SPIDR: variants seen among roughly 807,000 people sequenced by gnomAD.
The protein encoded by SPIDR is DNA repair-scaffolding protein.
SPIDR carries 93 observed loss-of-function variants against 104.6 expected under a neutral mutation model. That is an observed-to-expected ratio of 0.89 (90% CI 0.75 to 1.06). The LOEUF is 1.06. Among genes scored for constraint, SPIDR ranks in the 50% least tolerant of loss-of-function variants. The pLI is 0.00. For synonymous variants in SPIDR, 431 were observed against 416.9 expected, an observed-to-expected ratio of 1.03 and a Z score of -0.41; for missense variants, 1,154 against 1,111.2, an observed-to-expected ratio of 1.04 and a Z score of -0.55.
intron 19 of SPIDR, among the ~76,000 whole-genome samples, 194 bp from the exon 20 acceptor site, chr8:47,735,113 T>TGTGTGTGTGTGTGG (rs1202392223): frequency 2.4e-5 from 3 of 125,472 alleles, no homozygotes; most frequent in African/African-American, 1.0e-4. Flanking sequence ...TGTGTGTGGG[T>TGTGTGTGTGTGTGG]GTGTGTGTGT....
At chr8:47,627,551 GTGTA>G (rs1004356463) in intron 10 of SPIDR, among the ~76,000 whole-genome samples, 5 of 152,210 alleles carry the variant, frequency 3.3e-5, no homozygotes, top group African/African-American at 9.7e-5. Flanking sequence ...CCCTAAGTGT[GTGTA>G]TGTGTTTAAG....
In SPIDR at chr8:47,735,774, TAAC is replaced by T. The variant is rs2086188158; in HGVS notation, c.*327_*329del. ...AATTTTTTTTGTTCATTTGTAATTT[TAAC>T]AAGTTGAACATTTTACCATGATTGA... On this transcript the variant is annotated 3_prime_UTR_variant, in exon 20 of 20. Transcript: ENST00000297423. 1 of 515,458 alleles carries T rather than the reference TAAC, an allele frequency of 1.9e-6. No individual in the cohort carries two copies. Among genetic ancestry groups the T allele is most frequent in the Non-Finnish European group, 3.4e-6 (1 of 292,488 alleles). The allele number at this position is 515,458 out of a possible 1,614,324, so 31.9% of individuals were successfully genotyped here. A position where few individuals can be genotyped will look rare whatever the true frequency, so the allele number is the denominator to read the frequency against.
chr8:47,728,814 G>A, intron 17 of SPIDR, 119 bp from the exon 18 acceptor site: 1 of 1,222,350 alleles, frequency 8.2e-7, no homozygotes, highest in Non-Finnish European at 1.1e-6. Context: ...TTGATTCTGA[G>A]AGTAAAGCCC....
chr8:47,647,651 A>AGAGAGAGAGAGAGAGAGAGAGAGG (rs1563416092), intron 10 of SPIDR, among the ~76,000 whole-genome samples: 2 of 121,976 alleles, frequency 1.6e-5, no homozygotes, highest in Non-Finnish European at 3.7e-5. Context: ...AGAGAGAGAG[A>AGAGAGAGAGAGAGAGAGAGAGAGG]GAGGGAGAGA....
intron 5 of SPIDR, among the ~76,000 whole-genome samples, chr8:47,354,002 T>A (rs2054045727): frequency 6.6e-6 from 1 of 152,198 alleles, no homozygotes; most frequent in African/African-American, 2.4e-5. Flanking sequence ...CAGACAACGC[T>A]TTGATACTAG....
At chr8:47,454,933 A>G (rs148475972) in intron 8 of SPIDR, among the ~76,000 whole-genome samples, 2,211 of 152,252 alleles carry the variant, frequency 0.015, 167 homozygotes, top group Admixed American at 0.12. Context: ...ACACATTTCC[A>G]AATATTATAA....
At chr8:47,377,514 A>G (rs923358840) in intron 5 of SPIDR, among the ~76,000 whole-genome samples, 2 of 152,232 alleles carry the variant, frequency 1.3e-5, no homozygotes, top group Non-Finnish European at 2.9e-5. Flanking sequence ...TAGTTCCTCT[A>G]GCAATGAATT....
intron 16 of SPIDR, among the ~76,000 whole-genome samples, chr8:47,719,234 C>T (rs1417359246): frequency 5.3e-5 from 8 of 152,008 alleles, no homozygotes; most frequent in Non-Finnish European, 2.9e-5. Flanking sequence ...CCAGGCTGGG[C>T]GTGGTGGTTC....
At chr8:47,361,341 C>T (rs1554629856) in intron 5 of SPIDR, among the ~76,000 whole-genome samples, 1 of 152,198 alleles carries the variant, frequency 6.6e-6, no homozygotes, top group African/African-American at 2.4e-5. Context: ...ACAGGATGAG[C>T]ACTCAGTGCT....
chr8:47,711,239 G>A (rs577601080), intron 14 of SPIDR, among the ~76,000 whole-genome samples: 2 of 152,240 alleles, frequency 1.3e-5, no homozygotes, highest in East Asian at 1.9e-4. Context: ...AGTAAGATGC[G>A]TCAAACTCAT....
At chr8:47,317,644 C>T (rs2045639987) in intron 5 of SPIDR, among the ~76,000 whole-genome samples, 1 of 152,160 alleles carries the variant, frequency 6.6e-6, no homozygotes, top group Non-Finnish European at 1.5e-5. Flanking sequence ...GAAAGACTGC[C>T]TCCTCAAGTG....
intron 8 of SPIDR, among the ~76,000 whole-genome samples, chr8:47,489,381 T>A (rs2078272785): frequency 6.6e-6 from 1 of 152,130 alleles, no homozygotes; most frequent in African/African-American, 2.4e-5. Context: ...GAACATTCCA[T>A]CCTCGTGGAT....
Position 47,713,492 on chromosome 8 carries a change from G to A in SPIDR, c.2192G>A (p.Arg731Gln), listed in dbSNP as rs377479209. Residue 731 changes from arginine to glutamine, a missense_variant, in exon 16 of 20, where the codon CGG becomes CAG. Transcript: ENST00000297423. ...FFKDALRDQG[R>Q]IVCAERTVLL... ...CCTGAAGTGTCTCTGTCGGCAGGTC[G>A]GATTGTTTGTGCTGAACGAACTGTC... 54 of 1,614,102 alleles carry A rather than the reference G, an allele frequency of 3.3e-5. No individual in the cohort carries two copies. Among genetic ancestry groups the A allele is most frequent in the African/African-American group, 3.2e-4 (24 of 75,022 alleles).
At chr8:47,326,810 G>A (rs782756719) in intron 5 of SPIDR, among the ~76,000 whole-genome samples, 1 of 152,188 alleles carries the variant, frequency 6.6e-6, no homozygotes. Context: ...GCTGGATAAT[G>A]TTCCATTGAA....
intron 8 of SPIDR, among the ~76,000 whole-genome samples, chr8:47,446,253 A>C (rs1047194103): frequency 2.0e-5 from 3 of 152,220 alleles, no homozygotes; most frequent in African/African-American, 7.2e-5. Context: ...CATTTTGAAA[A>C]TTCTAGGGTC....
chr8:47,691,616 GTTGTGGAAACCCAAGGAAGTATTT>G (rs1027393025), intron 11 of SPIDR, among the ~76,000 whole-genome samples: 1 of 152,180 alleles, frequency 6.6e-6, no homozygotes, highest in African/African-American at 2.4e-5. Flanking sequence ...GTTTTATATA[GTTGTGGAAACCCAAGGAAGTATTT>G]TTCTTTGTAT....
At chr8:47,331,989 C>CTTTTTTTTTTTT (rs1289524835) in intron 5 of SPIDR, among the ~76,000 whole-genome samples, 3 of 36,320 alleles carry the variant, frequency 8.3e-5, no homozygotes, top group Non-Finnish European at 1.1e-4. Flanking sequence ...TTTTTTTTCT[C>CTTTTTTTTTTTT]TTTTTTTTTT....
intron 8 of SPIDR, among the ~76,000 whole-genome samples, chr8:47,496,702 G>T: frequency 6.8e-6 from 1 of 146,238 alleles, no homozygotes; most frequent in Non-Finnish European, 1.5e-5. Flanking sequence ...TGACCTCATA[G>T]AATGAATTCC....
intron 8 of SPIDR, among the ~76,000 whole-genome samples, chr8:47,538,946 C>T (rs530077829): frequency 2.7e-5 from 4 of 150,128 alleles, no homozygotes; most frequent in Non-Finnish European, 5.9e-5. Context: ...CTGCAACCTC[C>T]GCTTCCCAGG....
Sources: allele counts gnomAD v4.1 joint callset (sites outside exome capture counted in the v4.1 genomes callset), GRCh38; gene constraint gnomAD v4.1.1; transcripts MANE v1.5; gene names NCBI Gene and HGNC (gene_info 2026-07-23, HGNC 2026-07-21).